The following ANO4 variants were observed in gnomAD, a reference collection of about 807,000 sequenced individuals.
ANO4 encodes anoctamin 4.
Under a neutral mutation model 141.9 loss-of-function variants are expected in ANO4, and 69 were observed. The ratio of observed to expected loss-of-function variants is 0.49; its 90% confidence interval spans 0.40 to 0.59. ANO4 has a LOEUF of 0.59. Among genes scored for constraint, ANO4 ranks in the 20% least tolerant of loss-of-function variants. ANO4 has a pLI of 0.00. For missense variants in ANO4, 894 were observed against 1,162.2 expected, an observed-to-expected ratio of 0.77 and a Z score of 3.36; for synonymous variants, 350 against 394.3, an observed-to-expected ratio of 0.89 and a Z score of 1.33.
intron 7 of ANO4, among the ~76,000 whole-genome samples, chr12:100,982,514 GGAA>G (rs1195774257): frequency 4.6e-5 from 7 of 152,112 alleles, no homozygotes; most frequent in African/African-American, 9.7e-5. Flanking sequence ...ACTTTTATTG[GGAA>G]AAGAGCAATC....
chr12:100,859,899 A>G (rs1454507252), intron 1 of ANO4, among the ~76,000 whole-genome samples: 1 of 152,186 alleles, frequency 6.6e-6, no homozygotes, highest in South Asian at 2.1e-4. Context: ...TAATATCTGT[A>G]CCAAATATTC....
chr12:100,785,054 G>A (rs1268209303), intron 3 of ANO4, among the ~76,000 whole-genome samples: 2 of 151,924 alleles, frequency 1.3e-5, no homozygotes, highest in African/African-American at 4.8e-5. Flanking sequence ...AGGCTACCTA[G>A]TCTTCAGGGA....
At chr12:100,717,830 A>C (rs1032467975) in intron 1 of ANO4, among the ~76,000 whole-genome samples, 1 of 152,288 alleles carries the variant, frequency 6.6e-6, no homozygotes, top group East Asian at 1.9e-4. Flanking sequence ...CCGACCACTC[A>C]GGGGAAGGGA....
At position 100,978,241 on chromosome 12, in the gene ANO4, A is replaced by T. The variant is rs928753454; in HGVS notation, c.602+3352A>T. The stretch of plus-strand genomic sequence containing the variant: ...AACAAATGAATCTCCACATGCGTGT[A>T]TGAGGATTGGAGTAGGGAGAAAGGA... On this transcript the variant is annotated intron_variant, in intron 7 of 27. Transcript: ENST00000392977. 1.3e-4 allele frequency among the ~76,000 whole-genome samples: 20 copies of T among 152,222 alleles called. 1 individual carries two copies. The highest frequency in any genetic ancestry group is 1.2e-3 in the East Asian group (6 of 5,192).
intron 7 of ANO4, among the ~76,000 whole-genome samples, chr12:100,983,802 C>G (rs1010936713): frequency 1.3e-5 from 2 of 152,232 alleles, no homozygotes; most frequent in African/African-American, 4.8e-5. Flanking sequence ...CTCCCCCTAT[C>G]TTAAGGTCTG....
intron 8 of ANO4, among the ~76,000 whole-genome samples, chr12:100,999,532 T>C (rs548289892): frequency 1.3e-5 from 2 of 152,336 alleles, no homozygotes; most frequent in African/African-American, 4.8e-5. Flanking sequence ...TTAATTCCTC[T>C]TTGCCATATT....
chr12:101,024,494 G>A (rs778010656), intron 9 of ANO4, among the ~76,000 whole-genome samples: 1 of 152,094 alleles, frequency 6.6e-6, no homozygotes, highest in Non-Finnish European at 1.5e-5. Context: ...TACTTGGGAA[G>A]CTGAGGCACG....
Position 101,048,528 on chromosome 12 carries a change from G to C in ANO4, c.1312+127G>C, listed in dbSNP as rs2047728624. On this transcript the variant is annotated intron_variant, in intron 14 of 27. Coordinates refer to ENST00000392977, the MANE Select transcript of ANO4 (RefSeq NM_001286615.2). ...AATGGAATTAGCTTTCCTATTAGTA[G>C]AAAGTTGGTAAATAATTTATTGGGT... 3 of 776,206 alleles carry C rather than the reference G, an allele frequency of 3.9e-6. No individual in the cohort carries two copies. In the African/African-American group the frequency reaches 5.3e-5, roughly 14 times the overall value. 48.1% of individuals were successfully genotyped at this position (776,206 alleles called of 1,614,324 possible).
intron 5 of ANO4, among the ~76,000 whole-genome samples, chr12:100,951,611 C>G (rs1189123465): frequency 6.6e-5 from 10 of 152,210 alleles, no homozygotes; most frequent in Non-Finnish European, 1.0e-4. Flanking sequence ...CATGTTTTTA[C>G]TTATAAATGG....
At chr12:100,835,654 C>CA (rs1460409548) in intron 1 of ANO4, among the ~76,000 whole-genome samples, 2 of 152,058 alleles carry the variant, frequency 1.3e-5, no homozygotes, top group Admixed American at 1.3e-4. Context: ...GTTTTTTCCC[C>CA]ATGTGGACGG....
In ANO4 at chr12:101,086,718, G is replaced by A; in HGVS notation, c.1595G>A (p.Ser532Asn). The A allele has an allele frequency of 6.2e-7, 1 of 1,613,844 alleles. No homozygotes were observed. The highest frequency in any genetic ancestry group is 8.5e-7 in the Non-Finnish European group (1 of 1,179,806). ...GIVIYRVVTV[S>N]TFAAFKWALI... ...GTCATTTACCGGGTGGTGACTGTCA[G>A]CACTTTCGCTGCCTTTAAGTGGGCG... The change falls in exon 17 of 28, where the codon AGC becomes AAC. Residue 532 changes from serine (S) to asparagine (N), a missense_variant. Transcript: ENST00000392977.
At chr12:101,116,993 G>T (rs574859685) in intron 25 of ANO4, among the ~76,000 whole-genome samples, 195 bp downstream of exon 25, 1 of 152,310 alleles carries the variant, frequency 6.6e-6, no homozygotes, top group Non-Finnish European at 1.5e-5. Context: ...AAAACAGAAT[G>T]TCAGGGAGTG....
chr12:100,954,897 G>A (rs889359286), intron 5 of ANO4, among the ~76,000 whole-genome samples: 2 of 152,166 alleles, frequency 1.3e-5, no homozygotes, highest in East Asian at 3.9e-4. Flanking sequence ...TAATTGGATA[G>A]TCAGCAGCAG....
At chr12:101,114,149 A>G (rs900765111) in intron 24 of ANO4, among the ~76,000 whole-genome samples, 2 of 152,310 alleles carry the variant, frequency 1.3e-5, no homozygotes, top group Non-Finnish European at 2.9e-5. Flanking sequence ...GCTCTCTACT[A>G]CCTGTGACCT....
chr12:100,908,986 C>T (rs900078611), intron 2 of ANO4, among the ~76,000 whole-genome samples: 14 of 152,096 alleles, frequency 9.2e-5, no homozygotes, highest in Admixed American at 9.2e-4. Flanking sequence ...TGAAATGGTG[C>T]AGAACTCTAT....
chr12:100,826,292 G>GAA lies in ANO4; in HGVS notation c.-141+31271_-141+31272dup, dbSNP rs921840128. 3.3e-4 allele frequency among the ~76,000 whole-genome samples: 15 copies of GAA among 45,550 alleles called. No individual in the cohort carries two copies. The South Asian group carries it at 8.4e-3, about 25-fold the overall frequency. The allele number at this position is 45,550 out of a possible 152,430, so 29.9% of individuals were successfully genotyped here. A position where few individuals can be genotyped will look rare whatever the true frequency, so the allele number is the denominator to read the frequency against. On this transcript the variant is annotated intron_variant, in intron 1 of 27. Transcript: ENST00000392977. ...TAAATATGTTTGAAGATGGAATTGA[G>GAA]AAAAAAAGATGGAAAATGGTCATTG...
At chr12:101,006,379 A>G (rs1420096003) in intron 8 of ANO4, among the ~76,000 whole-genome samples, 1 of 152,200 alleles carries the variant, frequency 6.6e-6, no homozygotes, top group Non-Finnish European at 1.5e-5. Context: ...CACATGGGTG[A>G]ATAAGACCCC....
chr12:100,720,851 A>T (rs1263414955), intron 1 of ANO4, among the ~76,000 whole-genome samples: 1 of 152,198 alleles, frequency 6.6e-6, no homozygotes, highest in Non-Finnish European at 1.5e-5. Flanking sequence ...TAATCTTCAC[A>T]GCAACTTTTA....
intron 5 of ANO4, among the ~76,000 whole-genome samples, chr12:100,966,735 G>A (rs2043671121): frequency 6.6e-6 from 1 of 151,618 alleles, no homozygotes; most frequent in Non-Finnish European, 1.5e-5. Flanking sequence ...TCAATAAATG[G>A]CAACAGGAAT....
Sources: allele counts gnomAD v4.1 joint callset (sites outside exome capture counted in the v4.1 genomes callset), GRCh38; gene constraint gnomAD v4.1.1; transcripts MANE v1.5; gene names NCBI Gene and HGNC (gene_info 2026-07-23, HGNC 2026-07-21).